Variants in IRAG1 observed in about 807,000 individuals in gnomAD.
The protein encoded by IRAG1 is IP3R-associated cGMP kinase substrate.
In IRAG1, 62 loss-of-function variants were observed where a neutral mutation model predicts 106.2. The observed-to-expected ratio is 0.58, with a 90% CI of 0.48 to 0.72. The LOEUF is 0.72. Ranked by LOEUF, IRAG1 falls within the 30% of genes least tolerant of loss-of-function variation. The probability of loss-of-function intolerance (pLI) is 0.00; values close to 1 mark genes in which losing one functional copy is unlikely to be tolerated. For synonymous variants in IRAG1, 462 were observed against 443.9 expected (o/e 1.04, Z -0.51); for missense variants, 1,064 against 1,140.7 (o/e 0.93, Z 0.97).
rs753792766 is a variant in IRAG1 at position 10,625,965 on chromosome 11, C to A, written c.1368+1G>T. The A allele has an allele frequency of 1.4e-6, 2 of 1,470,142 alleles. No homozygotes were observed. Among genetic ancestry groups the A allele is most frequent in the Non-Finnish European group, 1.8e-6 (2 of 1,110,042 alleles). 91.1% of individuals were successfully genotyped at this position (1,470,142 alleles called of 1,614,324 possible). A position where few individuals can be genotyped will look rare whatever the true frequency, so the allele number is the denominator to read the frequency against. ...TGCCCAACTGGCCCCCAGGAACCCA[C>A]CTCTCGGAGCTTGGTCAGTTTCTGC... On this transcript the variant is annotated splice_donor_variant, in intron 9 of 20. Transcript: ENST00000423302. LOFTEE classifies it high-confidence loss of function.
intron 2 of IRAG1, among the ~76,000 whole-genome samples, chr11:10,641,766 TG>T (rs1253381045): frequency 6.6e-6 from 1 of 152,188 alleles, no homozygotes; most frequent in Admixed American, 6.5e-5. Context: ...GCCATGAGCA[TG>T]GGGTAGAAGA....
chr11:10,602,440 C>T (rs1271775448), intron 14 of IRAG1, among the ~76,000 whole-genome samples: 2 of 152,186 alleles, frequency 1.3e-5, no homozygotes, highest in African/African-American at 4.8e-5. Context: ...CAAGGTCACA[C>T]AGCGAATGAA....
chr11:10,622,158 G>C (rs1440898430), intron 10 of IRAG1, among the ~76,000 whole-genome samples: 1 of 152,142 alleles, frequency 6.6e-6, no homozygotes, highest in Non-Finnish European at 1.5e-5. Flanking sequence ...CTGAAAAAGG[G>C]AGTACTATAT....
chr11:10,594,404 C>A (rs753429171), intron 15 of IRAG1, among the ~76,000 whole-genome samples: 21 of 152,214 alleles, frequency 1.4e-4, no homozygotes, highest in Non-Finnish European at 2.8e-4. Context: ...AAACCTTTAT[C>A]CTAACTCCCC....
chr11:10,661,012 C>T (rs1859352720), intron 1 of IRAG1, among the ~76,000 whole-genome samples: 1 of 152,156 alleles, frequency 6.6e-6, no homozygotes, highest in African/African-American at 2.4e-5. Flanking sequence ...ATAATGATAC[C>T]AGAGCAGTCT....
chr11:10,580,687 A>C, intron 19 of IRAG1, 98 bp from the exon 20 acceptor site: 2 of 1,380,166 alleles, frequency 1.4e-6, no homozygotes, highest in Non-Finnish European at 2.0e-6. Flanking sequence ...CACCTCCAAT[A>C]ATTATGTGCT....
intron 15 of IRAG1, among the ~76,000 whole-genome samples, chr11:10,596,229 G>T (rs1853292637): frequency 6.6e-6 from 1 of 152,118 alleles, no homozygotes; most frequent in South Asian, 2.1e-4. Flanking sequence ...TTCAGCGAGG[G>T]TCTATGAGAG....
In IRAG1 at chr11:10,628,117, C is replaced by A; in HGVS notation, c.653-92G>T. The A allele has an allele frequency of 7.2e-7, 1 of 1,386,738 alleles. No individual in the cohort carries two copies. Among genetic ancestry groups the A allele is most frequent in the South Asian group, 1.2e-5 (1 of 82,130 alleles). The allele number at this position is 1,386,738 out of a possible 1,614,324, so 85.9% of individuals were successfully genotyped here. A position where few individuals can be genotyped will look rare whatever the true frequency, so the allele number is the denominator to read the frequency against. On this transcript the variant is annotated intron_variant, in intron 6 of 20. Transcript: ENST00000423302. The surrounding 1 kb of genome is among the most constrained non-coding windows in gnomAD (Gnocchi z 4.1). ...CATCTCCCTCCCCGGGCTATCCTCC[C>A]TTTGCAATCTCAGGCCTGGAAGATT...
chr11:10,610,757 T>C (rs1226145972), intron 10 of IRAG1, among the ~76,000 whole-genome samples: 1 of 152,218 alleles, frequency 6.6e-6, no homozygotes, highest in African/African-American at 2.4e-5. Flanking sequence ...GCAGCATAGA[T>C]TTTGTGTGCC....
chr11:10,688,144 G>A (rs1338527029), intron 1 of IRAG1, among the ~76,000 whole-genome samples: 1 of 151,926 alleles, frequency 6.6e-6, no homozygotes, highest in African/African-American at 2.4e-5. Context: ...AAGCATTTTG[G>A]TAAGGGATAC....
chr11:10,601,235 C>T (rs770458039), intron 14 of IRAG1, among the ~76,000 whole-genome samples, 176 bp from the exon 15 acceptor site: 1 of 152,158 alleles, frequency 6.6e-6, no homozygotes, highest in Non-Finnish European at 1.5e-5. Context: ...TCAGCACCTG[C>T]GCTTAGGGAG....
intron 10 of IRAG1, among the ~76,000 whole-genome samples, chr11:10,612,436 A>G (rs1006412498): frequency 3.9e-5 from 6 of 152,170 alleles, no homozygotes; most frequent in African/African-American, 1.4e-4. Flanking sequence ...CCCACCACCT[A>G]AGCAGTAACA....
intron 2 of IRAG1, among the ~76,000 whole-genome samples, chr11:10,637,612 A>G (rs1857234461): frequency 6.6e-6 from 1 of 152,152 alleles, no homozygotes; most frequent in Non-Finnish European, 1.5e-5. Context: ...ATGGTCTACA[A>G]GTACCCTTGA....
chr11:10,599,232 C>G (rs1190241878), intron 15 of IRAG1, among the ~76,000 whole-genome samples: 3 of 152,142 alleles, frequency 2.0e-5, no homozygotes, highest in African/African-American at 4.8e-5. Context: ...GTTGGGAGCT[C>G]CTTTGGGTCT....
intron 2 of IRAG1, 25 bp from the exon 3 acceptor site, chr11:10,634,096 G>A (rs1856948173): frequency 5.3e-6 from 8 of 1,506,796 alleles, no homozygotes; most frequent in Non-Finnish European, 6.4e-6. Context: ...CAAAAACACA[G>A]AGTTAGGCTT....
chr11:10,576,751 T>A (rs558969216), intron 20 of IRAG1, among the ~76,000 whole-genome samples, 176 bp from the exon 21 acceptor site: 1 of 152,214 alleles, frequency 6.6e-6, no homozygotes, highest in Non-Finnish European at 1.5e-5. Context: ...GCATACTAAA[T>A]GAGAATATCC....
chr11:10,673,319 G>A (rs1363616060), intron 1 of IRAG1, among the ~76,000 whole-genome samples: 1 of 152,018 alleles, frequency 6.6e-6, no homozygotes, highest in South Asian at 2.1e-4. Context: ...TAAGTTTTAA[G>A]TTTCATGCTA....
chr11:10,621,889 G>T (rs1487720323), intron 10 of IRAG1, among the ~76,000 whole-genome samples: 1 of 152,156 alleles, frequency 6.6e-6, no homozygotes, highest in East Asian at 1.9e-4. Context: ...TTCTAGGAGG[G>T]ATCTAGAAGA....
At chr11:10,598,943 A>C (rs1277164556) in intron 15 of IRAG1, among the ~76,000 whole-genome samples, 1 of 152,242 alleles carries the variant, frequency 6.6e-6, no homozygotes, top group Non-Finnish European at 1.5e-5. Flanking sequence ...ATAAAGGCTT[A>C]AGACACAAAC....
Sources: gnomAD v4.1 joint callset for allele counts (sites outside exome capture counted in the v4.1 genomes callset) on GRCh38, gnomAD v4.1.1 for gene constraint, Gnocchi (gnomAD v3.1) non-coding constraint, MANE v1.5 for transcripts, NCBI Gene and HGNC (gene_info 2026-07-23, HGNC 2026-07-21) for gene names.